GRIA1: variants seen among roughly 807,000 people sequenced by gnomAD.
The protein encoded by GRIA1 is glutamate ionotropic receptor AMPA type subunit 1.
In GRIA1, 31 loss-of-function variants were observed where a neutral mutation model predicts 99.2. The observed-to-expected ratio is 0.31, with a 90% CI of 0.23 to 0.42. The LOEUF is 0.42. Ranked by LOEUF, GRIA1 falls within the 10% of genes least tolerant of loss-of-function variation. GRIA1 has a pLI of 1.00. For synonymous variants in GRIA1, 438 were observed against 432.4 expected, an observed-to-expected ratio of 1.01 and a Z score of -0.16; for missense variants, 782 against 1,157.5, an observed-to-expected ratio of 0.68 and a Z score of 4.71.
chr5:153,648,172 G>T (rs917563391), intron 3 of GRIA1, among the ~76,000 whole-genome samples: 1 of 152,286 alleles, frequency 6.6e-6, no homozygotes, highest in East Asian at 1.9e-4. Context: ...AGTTAGGCAG[G>T]CGTCGTTCAG....
chr5:153,693,701 C>T (rs866334928), intron 8 of GRIA1, among the ~76,000 whole-genome samples: 1 of 152,346 alleles, frequency 6.6e-6, no homozygotes. Flanking sequence ...GAGAAGACCT[C>T]TCACTGTCAG....
chr5:153,528,182 ATTATT>A (rs1277012831), intron 2 of GRIA1, among the ~76,000 whole-genome samples: 1 of 152,170 alleles, frequency 6.6e-6, no homozygotes, highest in Non-Finnish European at 1.5e-5. Flanking sequence ...ACATATAGAC[ATTATT>A]TTATGTTTCT....
chr5:153,555,144 G>A (rs1251662194), intron 2 of GRIA1, among the ~76,000 whole-genome samples: 2 of 149,088 alleles, frequency 1.3e-5, no homozygotes, highest in African/African-American at 5.2e-5. Context: ...ATGAAATAGA[G>A]TAAACACCTT....
At chr5:153,666,938 C>T (rs1238199176) in intron 5 of GRIA1, among the ~76,000 whole-genome samples, 1 of 152,174 alleles carries the variant, frequency 6.6e-6, no homozygotes, top group Non-Finnish European at 1.5e-5. Flanking sequence ...GACTCAAATA[C>T]ATCCTTCACT....
chr5:153,653,502 A>T (rs1754720341), intron 4 of GRIA1, among the ~76,000 whole-genome samples: 1 of 152,228 alleles, frequency 6.6e-6, no homozygotes, highest in South Asian at 2.1e-4. Flanking sequence ...GAACAGGATT[A>T]TTAGAATATA....
At chr5:153,493,861 A>C in intron 1 of GRIA1, 67 bp from the exon 2 acceptor site, 3 of 1,504,030 alleles carry the variant, frequency 2.0e-6, no homozygotes, top group Non-Finnish European at 2.8e-6. Context: ...ACTCATCTGG[A>C]GTGAGTCGTG....
chr5:153,616,628 G>A (rs1581337947), intron 2 of GRIA1, among the ~76,000 whole-genome samples: 1 of 152,330 alleles, frequency 6.6e-6, no homozygotes, highest in East Asian at 1.9e-4. Context: ...CCAGGGCCTA[G>A]CACAGCCCCT....
chr5:153,508,716 T>G (rs1420148039), intron 2 of GRIA1, among the ~76,000 whole-genome samples: 4 of 152,204 alleles, frequency 2.6e-5, no homozygotes, highest in Non-Finnish European at 4.4e-5. Flanking sequence ...ATGAAAACAG[T>G]ATGTGTCAGT....
chr5:153,622,577 A>T (rs1331836419), intron 2 of GRIA1, among the ~76,000 whole-genome samples: 2 of 142,962 alleles, frequency 1.4e-5, no homozygotes, highest in African/African-American at 2.5e-5. Context: ...TAGCAATGTA[A>T]AGTTAAACCA....
chr5:153,527,500 C>T (rs1463003435), intron 2 of GRIA1, among the ~76,000 whole-genome samples: 1 of 152,058 alleles, frequency 6.6e-6, no homozygotes, highest in African/African-American at 2.4e-5. Flanking sequence ...CCTGGTAAAA[C>T]ATTACTTTTG....
At chr5:153,694,470 C>T (rs771430329) in intron 8 of GRIA1, among the ~76,000 whole-genome samples, 10 of 152,174 alleles carry the variant, frequency 6.6e-5, no homozygotes, top group Non-Finnish European at 1.3e-4. Flanking sequence ...ACCTGTTAAC[C>T]TTCAACTAGG....
At chr5:153,521,570 A>G (rs1004739831) in intron 2 of GRIA1, among the ~76,000 whole-genome samples, 1 of 152,186 alleles carries the variant, frequency 6.6e-6, no homozygotes, top group Non-Finnish European at 1.5e-5. Flanking sequence ...TCTGGACAGA[A>G]CCATCCTCGG....
chr5:153,577,231 G>A (rs1762650921), intron 2 of GRIA1, among the ~76,000 whole-genome samples: 1 of 151,964 alleles, frequency 6.6e-6, no homozygotes, highest in Middle Eastern at 3.2e-3. Context: ...TGGATTGATA[G>A]CTGCTCTAAG....
At chr5:153,701,396 C>T (rs964672645) in intron 10 of GRIA1, among the ~76,000 whole-genome samples, 10 of 151,858 alleles carry the variant, frequency 6.6e-5, no homozygotes, top group Non-Finnish European at 1.0e-4. Flanking sequence ...GGGTGGATCA[C>T]GAGGTCAGGA....
intron 11 of GRIA1, 48 bp downstream of exon 11, chr5:153,706,115 TG>T: frequency 1.4e-6 from 2 of 1,426,976 alleles, no homozygotes; most frequent in Non-Finnish European, 2.0e-6. Context: ...TGGTTTTGTT[TG>T]TTTGTTTGTT....
At chr5:153,696,925 C>T (rs1203983343) in intron 8 of GRIA1, among the ~76,000 whole-genome samples, 1 of 151,860 alleles carries the variant, frequency 6.6e-6, no homozygotes, top group Non-Finnish European at 1.5e-5. Context: ...TTCAATGATC[C>T]CCTGTTGCCT....
intron 4 of GRIA1, among the ~76,000 whole-genome samples, chr5:153,654,540 T>A (rs1056142383): frequency 2.0e-5 from 3 of 152,148 alleles, no homozygotes; most frequent in African/African-American, 7.2e-5. Flanking sequence ...AAAACTATCA[T>A]CCCAATAGTA....
At chr5:153,751,776 C>T (rs1175671664) in intron 11 of GRIA1, among the ~76,000 whole-genome samples, 4 of 152,242 alleles carry the variant, frequency 2.6e-5, no homozygotes, top group Non-Finnish European at 4.4e-5. Flanking sequence ...TACTATCTTC[C>T]GTTAGCATCA....
intron 2 of GRIA1, among the ~76,000 whole-genome samples, chr5:153,589,086 C>A (rs1028078463): frequency 1.3e-5 from 2 of 152,154 alleles, no homozygotes; most frequent in African/African-American, 4.8e-5. Flanking sequence ...TTCTGTTCCT[C>A]TCTGAGCTTT....
Sources: gnomAD v4.1 joint callset for allele counts (sites outside exome capture counted in the v4.1 genomes callset) on GRCh38, gnomAD v4.1.1 for gene constraint, MANE v1.5 for transcripts, NCBI Gene and HGNC (gene_info 2026-07-23, HGNC 2026-07-21) for gene names.